KCNIP4: variants seen among roughly 807,000 people sequenced by gnomAD.
KCNIP4 encodes potassium voltage-gated channel interacting protein 4.
A neutral mutation model predicts 34.0 loss-of-function variants in KCNIP4; 12 were observed. That is an observed-to-expected ratio of 0.35 (90% CI 0.23 to 0.57). KCNIP4 has a LOEUF of 0.57. Ranked by LOEUF, KCNIP4 falls within the 20% of genes least tolerant of loss-of-function variation. The pLI is 0.83. For synonymous variants in KCNIP4, 124 were observed against 102.2 expected, an observed-to-expected ratio of 1.21 and a Z score of -1.29; for missense variants, 238 against 311.7, an observed-to-expected ratio of 0.76 and a Z score of 1.78.
chr4:21,866,727 C>T (rs1405765103), intron 1 of KCNIP4, among the ~76,000 whole-genome samples: 2 of 150,128 alleles, frequency 1.3e-5, no homozygotes, highest in African/African-American at 4.9e-5. Context: ...TCTAATTCCA[C>T]ACCTATTCAA....
rs369432388 is a variant in KCNIP4 at position 20,916,289 on chromosome 4, C to T, written c.62-33580G>A. On this transcript the variant is annotated intron_variant, in intron 1 of 8. Transcript: ENST00000382152. Reference sequence around the variant, plus strand: ...GACCTCCACCCACATTTCCTGCCCACGTAACCTCAGAGTGGCTTTTTAGAA... The same window carrying T: ...GACCTCCACCCACATTTCCTGCCCATGTAACCTCAGAGTGGCTTTTTAGAA... 2.1e-5 allele frequency: 21 copies of T among 983,772 alleles called. 1 individual carries two copies. The highest frequency in any genetic ancestry group is 3.5e-5 in the African/African-American group (2 of 57,170). 60.9% of individuals were successfully genotyped at this position (983,772 alleles called of 1,614,324 possible).
At chr4:21,351,538 T>C (rs998935029) in intron 1 of KCNIP4, among the ~76,000 whole-genome samples, 1 of 152,192 alleles carries the variant, frequency 6.6e-6, no homozygotes, top group Non-Finnish European at 1.5e-5. Context: ...GTCTTGAATA[T>C]GTCTTTAAAT....
At chr4:21,123,508 C>A (rs1750347440) in intron 1 of KCNIP4, among the ~76,000 whole-genome samples, 1 of 152,086 alleles carries the variant, frequency 6.6e-6, no homozygotes. Flanking sequence ...CTGTAAAGAA[C>A]TTTTGTTGAT....
chr4:21,272,573 T>G (rs1762217003), intron 1 of KCNIP4, among the ~76,000 whole-genome samples: 1 of 152,186 alleles, frequency 6.6e-6, no homozygotes, highest in Non-Finnish European at 1.5e-5. Flanking sequence ...TCCAGTCTTT[T>G]CACATAGTTT....
chr4:21,327,729 CTTT>C (rs1229039802), intron 1 of KCNIP4, among the ~76,000 whole-genome samples: 1 of 151,746 alleles, frequency 6.6e-6, no homozygotes, highest in Non-Finnish European at 1.5e-5. Context: ...ATCCTTTGTT[CTTT>C]TTTAATTCTT....
At chr4:21,600,324 T>C (rs995091184) in intron 1 of KCNIP4, among the ~76,000 whole-genome samples, 3 of 152,098 alleles carry the variant, frequency 2.0e-5, no homozygotes, top group African/African-American at 7.2e-5. Context: ...TTACTGACAT[T>C]ATTAAGATTT....
intron 1 of KCNIP4, among the ~76,000 whole-genome samples, chr4:21,297,151 T>C (rs1763890718): frequency 6.6e-6 from 1 of 151,762 alleles, no homozygotes; most frequent in Non-Finnish European, 1.5e-5. Context: ...AATTGTTATT[T>C]GAATGTGGTA....
chr4:21,760,207 T>A (rs1033520826), intron 1 of KCNIP4, among the ~76,000 whole-genome samples: 35 of 152,096 alleles, frequency 2.3e-4, no homozygotes, highest in Admixed American at 5.2e-4. Context: ...AACATTTAAC[T>A]TCCAGAGCCT....
chr4:21,283,561 G>T (rs947809683), intron 1 of KCNIP4, among the ~76,000 whole-genome samples: 2 of 147,058 alleles, frequency 1.4e-5, no homozygotes, highest in African/African-American at 2.5e-5. Context: ...TCGACCATAA[G>T]TTTTTACAGA....
chr4:20,754,805 A>G (rs1170126354), intron 4 of KCNIP4, among the ~76,000 whole-genome samples: 1 of 152,184 alleles, frequency 6.6e-6, no homozygotes, highest in Admixed American at 6.5e-5. Context: ...TCAAATAAAG[A>G]TATAATTTTA....
intron 1 of KCNIP4, among the ~76,000 whole-genome samples, chr4:20,893,844 C>T (rs142791806): frequency 2.6e-4 from 39 of 152,166 alleles, no homozygotes; most frequent in African/African-American, 6.0e-4. Context: ...ATTTCTTTTC[C>T]GCAAGCTAAC....
At chr4:21,169,306 C>A (rs1753841518) in intron 1 of KCNIP4, among the ~76,000 whole-genome samples, 1 of 151,828 alleles carries the variant, frequency 6.6e-6, no homozygotes, top group Non-Finnish European at 1.5e-5. Flanking sequence ...GTTGGCACCA[C>A]CATGCCCAGC....
rs1403276506 is a variant in KCNIP4, at chr4:21,039,908, A to G, written c.62-157199T>C. Among the ~76,000 whole-genome samples, 3 of 152,178 alleles carry G rather than the reference A, an allele frequency of 2.0e-5. No homozygotes were observed. In the East Asian group the frequency reaches 5.8e-4, roughly 29 times the overall value. On this transcript the variant is annotated intron_variant, in intron 1 of 8. Transcript: ENST00000382152. ...ACTGCCTGAGACTGGATAATTTATTAAGAAAAGAGATTTAATTGACTCACA... is the reference window on the plus strand; with the variant it reads ...ACTGCCTGAGACTGGATAATTTATTGAGAAAAGAGATTTAATTGACTCACA...
chr4:21,332,705 A>G (rs1314718053), intron 1 of KCNIP4, among the ~76,000 whole-genome samples: 3 of 151,910 alleles, frequency 2.0e-5, no homozygotes, highest in Non-Finnish European at 2.9e-5. Flanking sequence ...GTATTACATC[A>G]GTGGAGAGTC....
At chr4:21,227,333 T>C (rs918968424) in intron 1 of KCNIP4, among the ~76,000 whole-genome samples, 12 of 152,284 alleles carry the variant, frequency 7.9e-5, no homozygotes, top group Admixed American at 7.2e-4. Flanking sequence ...CAATTCTGCA[T>C]TAATAGATGT....
intron 1 of KCNIP4, among the ~76,000 whole-genome samples, chr4:21,815,641 C>T (rs1721945095): frequency 6.6e-6 from 1 of 152,076 alleles, no homozygotes; most frequent in Non-Finnish European, 1.5e-5. Context: ...AAAAAAATTG[C>T]TATGTTTTGT....
chr4:21,444,264 A>T (rs185704341), intron 1 of KCNIP4, among the ~76,000 whole-genome samples: 3 of 152,216 alleles, frequency 2.0e-5, no homozygotes, highest in Non-Finnish European at 4.4e-5. Context: ...AATCCTCCCT[A>T]ACTCATTTTA....
intron 3 of KCNIP4, among the ~76,000 whole-genome samples, chr4:20,841,465 C>A (rs867571792): frequency 6.6e-6 from 1 of 152,094 alleles, no homozygotes; most frequent in African/African-American, 2.4e-5. Flanking sequence ...TCAGAGAAAG[C>A]TTTTCCACAG....
At chr4:21,863,505 T>C (rs1312786766) in intron 1 of KCNIP4, among the ~76,000 whole-genome samples, 1 of 152,096 alleles carries the variant, frequency 6.6e-6, no homozygotes, top group Non-Finnish European at 1.5e-5. Flanking sequence ...GCCGCTATTT[T>C]TGATAGATAG....
Sources: allele counts gnomAD v4.1 joint callset (sites outside exome capture counted in the v4.1 genomes callset), GRCh38; gene constraint gnomAD v4.1.1; transcripts MANE v1.5; gene names NCBI Gene and HGNC (gene_info 2026-07-23, HGNC 2026-07-21).